The following SMC1A variants were observed in gnomAD, a reference collection of about 807,000 sequenced individuals.
The protein encoded by SMC1A is structural maintenance of chromosomes protein 1A.
A neutral mutation model predicts 94.5 loss-of-function variants in SMC1A; 4 were observed. That is an observed-to-expected ratio of 0.04 (90% CI 0.02 to 0.10). The LOEUF is 0.10. Ranked by LOEUF, SMC1A falls within the 10% of genes least tolerant of loss-of-function variation. SMC1A has a pLI of 1.00. For missense variants in SMC1A, 304 were observed against 989.0 expected, an observed-to-expected ratio of 0.31 and a Z score of 9.29; for synonymous variants, 345 against 347.7, an observed-to-expected ratio of 0.99 and a Z score of 0.09.
At chrX:53,409,582 T>C in intron 7 of SMC1A, 79 bp from the exon 8 acceptor site, 1 of 774,567 alleles carries the variant, frequency 1.3e-6, no homozygotes, top group Non-Finnish European at 2.0e-6. Context: ...ACACCCTTTA[T>C]GTGCCCACTC....
At chrX:53,402,447 C>T (rs181414869) in intron 15 of SMC1A, among the ~76,000 whole-genome samples, 79 of 109,687 alleles carry the variant, frequency 7.2e-4, no homozygotes, top group African/African-American at 2.5e-3. Context: ...TTTCATCTCC[C>T]GCCTCCCTCC....
At position 53,382,586 on chromosome X, in the gene SMC1A, G is replaced by A. The variant is rs2075588188; in HGVS notation, c.3205C>T (p.Arg1069Cys). Residue 1069 changes from arginine (R) to cysteine (C), a missense_variant, in exon 21 of 25, where the codon CGC becomes TGC. By Grantham distance (180) the Arg-to-Cys change is radical. This residue lies in a region of SMC1A where 17 missense variants were observed against 38.8 expected (regional missense o/e 0.44). Transcript: ENST00000322213. Reference sequence around the variant, plus strand: ...ACAGATTCAAAACAAGCATTGAAGCGGTCAAAGCGCTCCTTCTTGATCTGT... The same window carrying A: ...ACAGATTCAAAACAAGCATTGAAGCAGTCAAAGCGCTCCTTCTTGATCTGT... ...FEQIKKERFD[R>C]FNACFESVAT... 1 of 1,211,246 alleles carries A rather than the reference G, an allele frequency of 8.3e-7. No homozygotes were observed. The highest frequency in any genetic ancestry group is 1.1e-6 in the Non-Finnish European group (1 of 895,118).
intron 7 of SMC1A, 145 bp downstream of exon 7, chrX:53,411,616 T>C: frequency 1.5e-6 from 1 of 679,438 alleles, no homozygotes; most frequent in Non-Finnish European, 2.3e-6. Flanking sequence ...AAAAAAAGAC[T>C]ATCATTACAG....
intron 19 of SMC1A, among the ~76,000 whole-genome samples, chrX:53,390,402 C>T (rs781804696): frequency 2.8e-5 from 3 of 106,470 alleles, no homozygotes; most frequent in African/African-American, 6.8e-5. Flanking sequence ...GCAAGAGAAT[C>T]GCTTGAACCT....
chrX:53,408,685 G>C (rs1427972537), intron 9 of SMC1A, among the ~76,000 whole-genome samples: 1 of 110,296 alleles, frequency 9.1e-6, no homozygotes, highest in Non-Finnish European at 1.9e-5. Context: ...TCCTGGGAGA[G>C]TAATTCCAGC....
chrX:53,415,251 A>C, intron 1 of SMC1A, 82 bp from the exon 2 acceptor site: 1 of 804,326 alleles, frequency 1.2e-6, no homozygotes, highest in Non-Finnish European at 1.9e-6. Context: ...GAGATGAACA[A>C]AAATGTCCCC....
chrX:53,375,294 C>G lies in SMC1A; in HGVS notation c.*4809G>C, dbSNP rs2075555950. The G allele has an allele frequency of 8.9e-6, 1 of 111,861 alleles. No individual in the cohort carries two copies. Among genetic ancestry groups the G allele is most frequent in the African/African-American group, 3.3e-5 (1 of 30,717 alleles). 9.2% of individuals were successfully genotyped at this position (111,861 alleles called of 1,213,427 possible). A position where few individuals can be genotyped will look rare whatever the true frequency, so the allele number is the denominator to read the frequency against. On this transcript the variant is annotated 3_prime_UTR_variant, in exon 25 of 25. Transcript: ENST00000322213. ...TGTCCTGATCTACAATGGGATAGAT[C>G]AAGATCAAGACTCCAGAGATGACAT... is the stretch of plus-strand genomic sequence containing the variant.
chrX:53,421,800 G>A lies in SMC1A; in HGVS notation c.109+692C>T, dbSNP rs1036057012. 2.8e-5 allele frequency: 26 copies of A among 929,564 alleles called. No homozygotes were observed. The African/African-American group carries it at 4.5e-4, about 16-fold the overall frequency. 76.6% of individuals were successfully genotyped at this position (929,564 alleles called of 1,213,427 possible). A position where few individuals can be genotyped will look rare whatever the true frequency, so the allele number is the denominator to read the frequency against. On this transcript the variant is annotated intron_variant, in intron 1 of 24. Coordinates refer to ENST00000322213, the MANE Select transcript of SMC1A (RefSeq NM_006306.4). ...CACAACTTGCAACTGAATAACTCCT[G>A]ATAAACAATAAGCATTCAACAAATT... is the stretch of plus-strand genomic sequence containing the variant.
chrX:53,400,957 C>T (rs1342405514), intron 15 of SMC1A, among the ~76,000 whole-genome samples: 1 of 111,898 alleles, frequency 8.9e-6, no homozygotes, highest in Non-Finnish European at 1.9e-5. Flanking sequence ...CTCTCCACCA[C>T]TCCCCACCTT....
chrX:53,375,873 C>G lies in SMC1A; in HGVS notation c.*4230G>C, dbSNP rs1231827764. The G allele has an allele frequency of 2.7e-5, 3 of 112,413 alleles. No homozygotes were observed. Among genetic ancestry groups the G allele is most frequent in the African/African-American group, 9.7e-5 (3 of 30,889 alleles). 9.3% of individuals were successfully genotyped at this position (112,413 alleles called of 1,213,427 possible). A position where few individuals can be genotyped will look rare whatever the true frequency, so the allele number is the denominator to read the frequency against. On this transcript the variant is annotated 3_prime_UTR_variant, in exon 25 of 25. Coordinates refer to ENST00000322213, the MANE Select transcript of SMC1A (RefSeq NM_006306.4). ...ACCTTAACAGTTCACACCTTAACAC[C>G]TCCAATCTATTCCTACTGGCCTTTG...
chrX:53,403,415 C>T (rs1296203680), intron 15 of SMC1A, 151 bp downstream of exon 15: 4 of 520,788 alleles, frequency 7.7e-6, no homozygotes, highest in Admixed American at 5.4e-5. Context: ...TGCCATACTG[C>T]CCTCCTGATT....
intron 9 of SMC1A, among the ~76,000 whole-genome samples, chrX:53,406,639 T>A (rs1031607405): frequency 9.0e-6 from 1 of 111,649 alleles, no homozygotes; most frequent in African/African-American, 3.3e-5. Context: ...CATGACATGA[T>A]CATGGACTAG....
rs1556889466 is a variant in SMC1A, at chrX:53,405,075, C to A, written c.2133G>T (p.Arg711=). 2.5e-6 allele frequency: 3 copies of A among 1,206,333 alleles called. No individual in the cohort carries two copies. In the South Asian group the frequency reaches 5.4e-5, roughly 22 times the overall value. Residue 711 remains arginine (R), a synonymous_variant, in exon 13 of 25, where the codon CGG becomes CGT. Coordinates refer to ENST00000322213, the MANE Select transcript of SMC1A (RefSeq NM_006306.4). ...CTAGGTCACTCTGGGAGTACTTGAG[C>A]CGCATCTGCAGTCCATGGGCCTGAG... is the stretch of plus-strand genomic sequence containing the variant. The part of the protein sequence containing the change: ...VQSQAHGLQM[R]LKYSQSDLEQ...
At chrX:53,412,336 G>A in intron 5 of SMC1A, 83 bp from the exon 6 acceptor site, 4 of 983,219 alleles carry the variant, frequency 4.1e-6, no homozygotes, top group Non-Finnish European at 4.3e-6. Context: ...AGGAGAGCTT[G>A]AGCCCCTGAG....
intron 15 of SMC1A, among the ~76,000 whole-genome samples, chrX:53,401,213 T>G (rs1396417726): frequency 9.0e-6 from 1 of 111,635 alleles, no homozygotes; most frequent in Non-Finnish European, 1.9e-5. Context: ...GGTTCCTCCC[T>G]TTTTAGACTT....
At chrX:53,395,004 GCA>G in intron 18 of SMC1A, 116 bp from the exon 19 acceptor site, 1 of 525,304 alleles carries the variant, frequency 1.9e-6, no homozygotes, top group Non-Finnish European at 3.4e-6. Context: ...AAGCACCATG[GCA>G]GAAGGAACAG....
intron 9 of SMC1A, among the ~76,000 whole-genome samples, chrX:53,406,933 G>A (rs1556889819): frequency 8.9e-6 from 1 of 111,806 alleles, no homozygotes. Flanking sequence ...CCTGACCTCC[G>A]ATGATCTGCC....
chrX:53,403,429 GTTCT>G, intron 15 of SMC1A, 133 bp downstream of exon 15: 2 of 544,558 alleles, frequency 3.7e-6, no homozygotes, highest in Non-Finnish European at 6.5e-6. Context: ...CCTGATTTCT[GTTCT>G]TTAAGGCCTA....
chrX:53,416,008 TAATATA>T (rs1336738132), intron 1 of SMC1A, among the ~76,000 whole-genome samples: 2 of 110,400 alleles, frequency 1.8e-5, no homozygotes, highest in Non-Finnish European at 3.8e-5. Flanking sequence ...GATGTTAAAA[TAATATA>T]AAGTGGGCCG....
Sources: allele counts gnomAD v4.1 joint callset (sites outside exome capture counted in the v4.1 genomes callset), GRCh38; gene constraint gnomAD v4.1.1; regional missense constraint gnomAD v4.1.1; transcripts MANE v1.5; gene names NCBI Gene and HGNC (gene_info 2026-07-23, HGNC 2026-07-21).